Variants in FAM13A observed in about 807,000 individuals in gnomAD.
The protein encoded by FAM13A is protein FAM13A.
Under a neutral mutation model 129.6 loss-of-function variants are expected in FAM13A, and 76 were observed. The observed-to-expected ratio is 0.59, with a 90% CI of 0.49 to 0.71. The LOEUF is 0.71. Ranked by LOEUF, FAM13A falls within the 30% of genes least tolerant of loss-of-function variation. FAM13A has a pLI of 0.00. For synonymous variants in FAM13A, 443 were observed against 449.9 expected (o/e 0.98, Z 0.20); for missense variants, 1,108 against 1,249.3 (o/e 0.89, Z 1.70).
At chr4:88,863,854 G>A (rs867532617) in intron 6 of FAM13A, among the ~76,000 whole-genome samples, 3 of 152,128 alleles carry the variant, frequency 2.0e-5, no homozygotes, top group Non-Finnish European at 2.9e-5. Context: ...ATAAATAAAG[G>A]CCTGGATAGA....
At chr4:88,951,778 T>C (rs1756990405) in intron 4 of FAM13A, among the ~76,000 whole-genome samples, 1 of 152,174 alleles carries the variant, frequency 6.6e-6, no homozygotes, top group African/African-American at 2.4e-5. Flanking sequence ...TGTTTAACCT[T>C]CGATCACAGC....
intron 6 of FAM13A, among the ~76,000 whole-genome samples, chr4:88,858,923 G>C (rs1739008700): frequency 6.6e-6 from 1 of 152,190 alleles, no homozygotes; most frequent in African/African-American, 2.4e-5. Context: ...CAAAGAGGAA[G>C]ATCAAGTGTG....
intron 6 of FAM13A, among the ~76,000 whole-genome samples, chr4:88,889,268 C>A (rs1322185079): frequency 6.6e-6 from 1 of 152,084 alleles, no homozygotes; most frequent in African/African-American, 2.4e-5. Context: ...TGTGGTTATG[C>A]TGTCTGATTT....
chr4:89,005,350 A>G (rs1360109121), intron 3 of FAM13A, among the ~76,000 whole-genome samples: 1 of 152,108 alleles, frequency 6.6e-6, no homozygotes, highest in East Asian at 1.9e-4. Context: ...TGTCTTTGCT[A>G]TTGTGAATAG....
At chr4:88,735,474 A>C (rs2904162) in intron 21 of FAM13A, among the ~76,000 whole-genome samples, 27,158 of 152,042 alleles carry the variant, frequency 0.18, 2,521 homozygotes, top group East Asian at 0.24. Context: ...TCTGCCAGAG[A>C]AGTTTTAGAG....
intron 3 of FAM13A, among the ~76,000 whole-genome samples, chr4:89,013,623 A>T (rs1766044322): frequency 6.6e-6 from 1 of 152,170 alleles, no homozygotes. Context: ...ATAACGTCCT[A>T]CTGCAACATA....
At chr4:88,733,027 G>C (rs1040300996) in intron 21 of FAM13A, among the ~76,000 whole-genome samples, 1 of 152,092 alleles carries the variant, frequency 6.6e-6, no homozygotes, top group African/African-American at 2.4e-5. Flanking sequence ...TCAGACCACA[G>C]AGAATAACTT....
chr4:88,745,609 A>C (rs1741146405), intron 19 of FAM13A, among the ~76,000 whole-genome samples: 1 of 152,194 alleles, frequency 6.6e-6, no homozygotes, highest in African/African-American at 2.4e-5. Flanking sequence ...TTCTAAGCCT[A>C]TTGTGGAGAA....
intron 3 of FAM13A, among the ~76,000 whole-genome samples, chr4:88,997,356 T>C (rs960002381): frequency 3.9e-5 from 6 of 152,208 alleles, no homozygotes; most frequent in Admixed American, 1.3e-4. Context: ...TACTTCAAAT[T>C]ATTCAAGTTT....
At chr4:88,763,701 C>T (rs1745226459) in intron 13 of FAM13A, among the ~76,000 whole-genome samples, 1 of 152,102 alleles carries the variant, frequency 6.6e-6, no homozygotes, top group Admixed American at 6.6e-5. Context: ...AGTTAAGTGG[C>T]CTAATAGTTT....
intron 7 of FAM13A, among the ~76,000 whole-genome samples, chr4:88,850,630 C>A (rs1025797677): frequency 1.3e-5 from 2 of 152,188 alleles, no homozygotes; most frequent in Non-Finnish European, 2.9e-5. Context: ...GTGCAACATA[C>A]TGGTTAAAAA....
At chr4:89,010,158 A>T (rs1468876989) in intron 3 of FAM13A, among the ~76,000 whole-genome samples, 1 of 152,160 alleles carries the variant, frequency 6.6e-6, no homozygotes, top group Non-Finnish European at 1.5e-5. Context: ...TCTATACAGT[A>T]TGTACTGACC....
At chr4:88,926,949 G>A (rs1752286056) in intron 5 of FAM13A, among the ~76,000 whole-genome samples, 2 of 151,798 alleles carry the variant, frequency 1.3e-5, no homozygotes, top group South Asian at 4.2e-4. Flanking sequence ...GTGAAGTCTG[G>A]GCTTTTAGTG....
chr4:88,828,872 T>A (rs1733453685), intron 7 of FAM13A, among the ~76,000 whole-genome samples: 1 of 152,240 alleles, frequency 6.6e-6, no homozygotes, highest in African/African-American at 2.4e-5. Context: ...GTGCTAAAAG[T>A]AAGATTCTAT....
At chr4:88,822,916 T>C (rs1732297292) in intron 7 of FAM13A, 15 of 1,591,612 alleles carry the variant, frequency 9.4e-6, no homozygotes, top group South Asian at 4.6e-5. Context: ...GGCAAAGTTA[T>C]ATGGCTTGAT....
chr4:88,857,372 A>C (rs559073582), intron 6 of FAM13A, among the ~76,000 whole-genome samples: 2 of 152,302 alleles, frequency 1.3e-5, no homozygotes, highest in East Asian at 3.9e-4. Context: ...TCACCCCTGT[A>C]ATCCCAGCAC....
intron 6 of FAM13A, among the ~76,000 whole-genome samples, chr4:88,854,238 A>C (rs1738108135): frequency 6.6e-6 from 1 of 152,248 alleles, no homozygotes; most frequent in Non-Finnish European, 1.5e-5. Flanking sequence ...GAAGACAGAC[A>C]AGAAGTGGGC....
At chr4:88,946,398 G>GATCT (rs1755870490) in intron 4 of FAM13A, among the ~76,000 whole-genome samples, 3 of 81,812 alleles carry the variant, frequency 3.7e-5, no homozygotes, top group Non-Finnish European at 7.4e-5. Context: ...TTGCTCCCGC[G>GATCT]TTCTTTTTTT....
At chr4:89,041,345 CAT>C (rs1770092703) in intron 1 of FAM13A, among the ~76,000 whole-genome samples, 1 of 152,134 alleles carries the variant, frequency 6.6e-6, no homozygotes, top group Non-Finnish European at 1.5e-5. Context: ...ACATGTACCT[CAT>C]AAATATGTAC....
Sources: gnomAD v4.1 joint callset for allele counts (sites outside exome capture counted in the v4.1 genomes callset) on GRCh38, gnomAD v4.1.1 for gene constraint, MANE v1.5 for transcripts, NCBI Gene and HGNC (gene_info 2026-07-23, HGNC 2026-07-21) for gene names.